Variants in SORCS3 observed in about 807,000 individuals in gnomAD.
SORCS3 encodes the protein sortilin related VPS10 domain containing receptor 3.
In SORCS3, 57 loss-of-function variants were observed where a neutral mutation model predicts 146.3. That is an observed-to-expected ratio of 0.39 (90% CI 0.31 to 0.49). The LOEUF is 0.49. SORCS3 is among the 20% of genes least tolerant of loss of function. The pLI is 0.92. For missense variants in SORCS3, 1,341 were observed against 1,575.5 expected, an observed-to-expected ratio of 0.85 and a Z score of 2.52; for synonymous variants, 653 against 618.5, an observed-to-expected ratio of 1.06 and a Z score of -0.83.
At chr10:104,984,670 AG>A (rs1474216697) in intron 4 of SORCS3, among the ~76,000 whole-genome samples, 7 of 152,188 alleles carry the variant, frequency 4.6e-5, no homozygotes, top group Non-Finnish European at 1.0e-4. Context: ...GTAGCGACAT[AG>A]GTATATATTA....
intron 9 of SORCS3, among the ~76,000 whole-genome samples, chr10:105,148,964 A>G (rs1433092138): frequency 6.6e-6 from 1 of 152,114 alleles, no homozygotes; most frequent in East Asian, 1.9e-4. Flanking sequence ...TACTGTTCTC[A>G]TGATAGTGAG....
chr10:104,660,081 G>A (rs188145802), intron 1 of SORCS3, among the ~76,000 whole-genome samples: 67 of 152,240 alleles, frequency 4.4e-4, no homozygotes, highest in Admixed American at 1.0e-3. Context: ...GCTCCAGCCC[G>A]ATTTAAATTT....
intron 1 of SORCS3, among the ~76,000 whole-genome samples, chr10:104,713,415 A>C: frequency 6.6e-6 from 1 of 152,266 alleles, no homozygotes; most frequent in Admixed American, 6.5e-5. Context: ...TCATGTCATC[A>C]TGCTAGCTGT....
chr10:105,196,878 G>A (rs1289696041), intron 14 of SORCS3, among the ~76,000 whole-genome samples: 1 of 152,138 alleles, frequency 6.6e-6, no homozygotes, highest in South Asian at 2.1e-4. Flanking sequence ...TTCTCTTGTA[G>A]TTCTGGAGTT....
chr10:104,791,136 G>A lies in SORCS3; in HGVS notation c.628-51656G>A, dbSNP rs533093859. On this transcript the variant is annotated intron_variant, in intron 1 of 26. Transcript: ENST00000369701. ...GTTCACTGAGAGCTAAAGAAAGAAC[G>A]TGAAAGAATGATCAAAGCAAGGCCA... Among the ~76,000 whole-genome samples the A allele has an allele frequency of 1.1e-4, 16 of 152,292 alleles. No individual in the cohort carries two copies. In the South Asian group the frequency reaches 2.9e-3, roughly 28 times the overall value.
chr10:104,738,264 T>A (rs11192178), intron 1 of SORCS3, among the ~76,000 whole-genome samples: 6,705 of 152,312 alleles, frequency 0.044, 144 homozygotes, highest in Admixed American at 0.053. Flanking sequence ...TGGTTCCATA[T>A]AAACTTTAAA....
In SORCS3 at chr10:105,189,006, G is replaced by A. The variant is rs550197859; in HGVS notation, c.2009+10833G>A. Among the ~76,000 whole-genome samples the A allele has an allele frequency of 4.6e-5, 7 of 152,334 alleles. No homozygotes were observed. In the South Asian group the frequency reaches 1.2e-3, roughly 27 times the overall value. On this transcript the variant is annotated intron_variant, in intron 14 of 26. Coordinates refer to ENST00000369701, the MANE Select transcript of SORCS3 (RefSeq NM_014978.3). ...GAGGAATGAGAAATAAATCCAGTGTGTCAATAGGGAGAAGTTGTATGTAGC... is the reference window on the plus strand; with the variant it reads ...GAGGAATGAGAAATAAATCCAGTGTATCAATAGGGAGAAGTTGTATGTAGC...
chr10:104,686,300 T>TG (rs2016042863), intron 1 of SORCS3, among the ~76,000 whole-genome samples: 1 of 151,648 alleles, frequency 6.6e-6, no homozygotes, highest in Admixed American at 6.6e-5. Context: ...TAATTTTTGT[T>TG]GGGGGAGTGG....
At chr10:105,043,590 A>G (rs1033846613) in intron 5 of SORCS3, among the ~76,000 whole-genome samples, 1 of 152,168 alleles carries the variant, frequency 6.6e-6, no homozygotes, top group African/African-American at 2.4e-5. Flanking sequence ...TGGTCAAATA[A>G]ATTCAGGTTA....
At chr10:105,157,414 G>T (rs1401734679) in intron 10 of SORCS3, 130 bp downstream of exon 10, 4 of 1,076,502 alleles carry the variant, frequency 3.7e-6, no homozygotes, top group African/African-American at 1.6e-5. Flanking sequence ...TCTAAAACTT[G>T]CAGGGCATTG....
intron 7 of SORCS3, among the ~76,000 whole-genome samples, chr10:105,120,566 A>G (rs718581): frequency 0.021 from 3,221 of 152,202 alleles, 113 homozygotes; most frequent in African/African-American, 0.074. Context: ...TCCTTGCTCC[A>G]TTCAGAACTC....
chr10:105,123,260 G>A (rs74157442), intron 7 of SORCS3, among the ~76,000 whole-genome samples: 2,097 of 152,266 alleles, frequency 0.014, 49 homozygotes, highest in African/African-American at 0.047. Context: ...TCAAAGCAGC[G>A]GACTGTATGA....
chr10:105,186,245 GT>G (rs902351396), intron 14 of SORCS3, among the ~76,000 whole-genome samples: 64 of 152,242 alleles, frequency 4.2e-4, no homozygotes, highest in African/African-American at 1.5e-3. Flanking sequence ...TTTTCTGATT[GT>G]TTTACATGTG....
At chr10:105,163,785 G>A (rs2119516557) in intron 11 of SORCS3, among the ~76,000 whole-genome samples, 1 of 151,934 alleles carries the variant, frequency 6.6e-6, no homozygotes, top group Non-Finnish European at 1.5e-5. Flanking sequence ...GTATAATTTA[G>A]GTTACATAAT....
At chr10:105,108,552 G>A (rs1474555898) in intron 7 of SORCS3, among the ~76,000 whole-genome samples, 1 of 152,126 alleles carries the variant, frequency 6.6e-6, no homozygotes, top group Non-Finnish European at 1.5e-5. Context: ...GAGATGAGCA[G>A]AAACCTGCAA....
At chr10:104,770,972 C>G (rs942896947) in intron 1 of SORCS3, among the ~76,000 whole-genome samples, 1 of 152,148 alleles carries the variant, frequency 6.6e-6, no homozygotes, top group Non-Finnish European at 1.5e-5. Context: ...TCCCACTATG[C>G]CTTCTAAACT....
chr10:104,782,727 A>C (rs1351697524), intron 1 of SORCS3, among the ~76,000 whole-genome samples: 1 of 152,118 alleles, frequency 6.6e-6, no homozygotes, highest in Non-Finnish European at 1.5e-5. Flanking sequence ...TTACTGATAA[A>C]CTATGGGATC....
intron 17 of SORCS3, 98 bp from the exon 18 acceptor site, chr10:105,214,344 G>T (rs941089537): frequency 1.0e-5 from 14 of 1,360,138 alleles, no homozygotes; most frequent in Admixed American, 5.6e-5. Flanking sequence ...TTTTGCTCTT[G>T]CTCTCTTACA....
At chr10:104,983,232 C>G (rs372881416) in intron 4 of SORCS3, among the ~76,000 whole-genome samples, 1 of 152,042 alleles carries the variant, frequency 6.6e-6, no homozygotes, top group Admixed American at 6.6e-5. Flanking sequence ...AGCTCTTGAC[C>G]TCAGGTGATC....
Sources: allele counts gnomAD v4.1 joint callset (sites outside exome capture counted in the v4.1 genomes callset), GRCh38; gene constraint gnomAD v4.1.1; transcripts MANE v1.5; gene names NCBI Gene and HGNC (gene_info 2026-07-23, HGNC 2026-07-21).